NUP62CL: variants seen among roughly 807,000 people sequenced by gnomAD.
NUP62CL encodes the protein nucleoporin-62 C-terminal-like protein.
A neutral mutation model predicts 15.3 loss-of-function variants in NUP62CL; 13 were observed. That is an observed-to-expected ratio of 0.85 (90% CI 0.55 to 1.35). NUP62CL has a LOEUF of 1.35. NUP62CL is among the 40% of genes most tolerant of loss of function. NUP62CL has a pLI of 0.00. For synonymous variants in NUP62CL, 54 were observed against 49.2 expected (o/e 1.10, Z -0.41); for missense variants, 123 against 130.6 (o/e 0.94, Z 0.28).
chrX:107,181,073 C>T (rs1455164881), intron 2 of NUP62CL, among the ~76,000 whole-genome samples: 5 of 107,530 alleles, frequency 4.6e-5, no homozygotes, highest in African/African-American at 1.7e-4. Context: ...TGCATCACAA[C>T]GCCCAACTTT....
At chrX:107,196,343 C>G (rs745853376) in intron 1 of NUP62CL, among the ~76,000 whole-genome samples, 1 of 111,784 alleles carries the variant, frequency 8.9e-6, no homozygotes, top group South Asian at 3.7e-4. Context: ...TGACCAGTTT[C>G]TGACAAAGGT....
chrX:107,167,115 C>A (rs190804764), intron 4 of NUP62CL, among the ~76,000 whole-genome samples: 49 of 111,750 alleles, frequency 4.4e-4, no homozygotes, highest in African/African-American at 1.5e-3. Flanking sequence ...ATACATGTGA[C>A]TCTACAATTA....
At chrX:107,196,468 G>T (rs968797864) in intron 1 of NUP62CL, among the ~76,000 whole-genome samples, 1 of 111,530 alleles carries the variant, frequency 9.0e-6, no homozygotes, top group South Asian at 3.8e-4. Context: ...TTTCACTCTT[G>T]TTGTCCAGGC....
chrX:107,157,374 G>C (rs1926227621), intron 4 of NUP62CL, among the ~76,000 whole-genome samples: 1 of 109,196 alleles, frequency 9.2e-6, no homozygotes, highest in Admixed American at 9.8e-5. Context: ...AGGGCAGCCA[G>C]AGAGAAAGGT....
chrX:107,184,763 A>C (rs1927013272), intron 2 of NUP62CL, among the ~76,000 whole-genome samples: 1 of 111,693 alleles, frequency 9.0e-6, no homozygotes, highest in East Asian at 2.8e-4. Context: ...AAAAAGGATA[A>C]GCACAAAGAA....
At chrX:107,145,601 T>C (rs1222338740) in intron 8 of NUP62CL, among the ~76,000 whole-genome samples, 1 of 111,448 alleles carries the variant, frequency 9.0e-6, no homozygotes, top group African/African-American at 3.3e-5. Flanking sequence ...ATAGCCTGAA[T>C]CTTCTAAGAA....
At chrX:107,138,658 C>T (rs1456670864) in intron 8 of NUP62CL, among the ~76,000 whole-genome samples, 3 of 111,640 alleles carry the variant, frequency 2.7e-5, no homozygotes, top group East Asian at 5.6e-4. Context: ...AGCGAAAATA[C>T]CAAATGCTGG....
At chrX:107,140,825 T>A (rs1258550367) in intron 8 of NUP62CL, among the ~76,000 whole-genome samples, 1 of 112,219 alleles carries the variant, frequency 8.9e-6, no homozygotes, top group Non-Finnish European at 1.9e-5. Flanking sequence ...TGGCAAAGTT[T>A]AACTGGTGAA....
chrX:107,160,476 G>A (rs1475788611), intron 4 of NUP62CL, among the ~76,000 whole-genome samples: 66 of 107,700 alleles, frequency 6.1e-4, no homozygotes, highest in Non-Finnish European at 9.7e-4. Flanking sequence ...AAATAACGCC[G>A]CATACCTACA....
At chrX:107,138,936 C>T (rs1414826853) in intron 8 of NUP62CL, among the ~76,000 whole-genome samples, 1 of 111,870 alleles carries the variant, frequency 8.9e-6, no homozygotes, top group Non-Finnish European at 1.9e-5. Context: ...AAACCAACTG[C>T]GGTATACCCA....
At chrX:107,153,387 GA>G (rs1194771657) in intron 6 of NUP62CL, 66 bp downstream of exon 6, 317 of 956,695 alleles carry the variant, frequency 3.3e-4, no homozygotes, top group African/African-American at 1.3e-3. Context: ...ACTACAGAAG[GA>G]AAAAAAAAAC....
intron 2 of NUP62CL, among the ~76,000 whole-genome samples, chrX:107,180,745 G>C (rs1926899289): frequency 9.0e-6 from 1 of 111,113 alleles, no homozygotes; most frequent in Non-Finnish European, 1.9e-5. Context: ...GGGTAATAAA[G>C]ATGCAGATGG....
At chrX:107,187,690 A>C (rs113676961) in intron 2 of NUP62CL, among the ~76,000 whole-genome samples, 1,381 of 112,727 alleles carry the variant, frequency 0.012, 21 homozygotes, top group African/African-American at 0.042. Context: ...GAGCCACTGC[A>C]CCCAGCCAAG....
chrX:107,153,154 CT>C lies in NUP62CL; in HGVS notation c.530+17del. 1.7e-6 allele frequency: 2 copies of C among 1,190,439 alleles called. No homozygotes were observed. Among genetic ancestry groups the C allele is most frequent in the Non-Finnish European group, 2.3e-6 (2 of 887,393 alleles). On this transcript the variant is annotated intron_variant, in intron 7 of 8. Transcript: ENST00000372466. ...CGTAAGTCCTGCCCCATTCTTCAAT[CT>C]TTTTTCAGTTACTTACATCTCCACA...
chrX:107,160,356 C>T (rs1296053517), intron 4 of NUP62CL, among the ~76,000 whole-genome samples: 2 of 106,673 alleles, frequency 1.9e-5, no homozygotes, highest in Non-Finnish European at 1.9e-5. Flanking sequence ...AAGCTGGAGG[C>T]ATCACACTAC....
intron 8 of NUP62CL, among the ~76,000 whole-genome samples, chrX:107,146,932 C>T (rs1424368795): frequency 9.0e-6 from 1 of 111,343 alleles, no homozygotes; most frequent in East Asian, 2.8e-4. Flanking sequence ...ATTTAGAAAC[C>T]AAGATCTAGG....
chrX:107,129,328 C>A (rs1457777384), intron 8 of NUP62CL, among the ~76,000 whole-genome samples: 2 of 111,678 alleles, frequency 1.8e-5, no homozygotes, highest in Non-Finnish European at 3.8e-5. Flanking sequence ...TACATCTGGG[C>A]AATTCTCCCT....
chrX:107,192,672 C>T (rs1029353253), intron 2 of NUP62CL, among the ~76,000 whole-genome samples: 1 of 112,219 alleles, frequency 8.9e-6, no homozygotes, highest in Admixed American at 9.4e-5. Flanking sequence ...CGAACCACTG[C>T]GCCAGGCCAG....
intron 1 of NUP62CL, among the ~76,000 whole-genome samples, chrX:107,203,781 T>G (rs1927543785): frequency 1.8e-5 from 2 of 111,235 alleles, no homozygotes; most frequent in African/African-American, 6.5e-5. Context: ...TGGATAAAGA[T>G]AGGAGGGGAA....
Sources: gnomAD v4.1 joint callset for allele counts (sites outside exome capture counted in the v4.1 genomes callset) on GRCh38, gnomAD v4.1.1 for gene constraint, MANE v1.5 for transcripts, NCBI Gene and HGNC (gene_info 2026-07-23, HGNC 2026-07-21) for gene names.